SRFBP1: variants seen among roughly 807,000 people sequenced by gnomAD.
The protein encoded by SRFBP1 is serum response factor binding protein 1, also known as serum response factor-binding protein 1.
In SRFBP1, 47 loss-of-function variants were observed where a neutral mutation model predicts 45.5. That is an observed-to-expected ratio of 1.03 (90% CI 0.82 to 1.32). The LOEUF (loss-of-function observed/expected upper bound fraction) is 1.32. SRFBP1 is among the 40% of genes most tolerant of loss of function. The pLI is 0.00. For missense variants in SRFBP1, 621 were observed against 484.6 expected (o/e 1.28, Z -2.64); for synonymous variants, 203 against 166.3 (o/e 1.22, Z -1.70).
chr5:122,070,125 G>A lies in SRFBP1; in HGVS notation n.312-5190G>A. On this transcript the variant is annotated intron_variant and non_coding_transcript_variant, in intron 2 of 2. Coordinates refer to the SRFBP1 transcript ENST00000504881. ...AATGTCACAGCGCACAACATTGTTG[G>A]TATAGTCAGATTCAGGAACCAGGTA... The A allele has an allele frequency of 6.2e-7, 1 of 1,613,208 alleles. No homozygotes were observed. The highest frequency in any genetic ancestry group is 8.5e-7 in the Non-Finnish European group (1 of 1,179,338).
At chr5:122,070,143 A>C in intron 2 of SRFBP1, 1 of 1,612,624 alleles carries the variant, frequency 6.2e-7, no homozygotes, top group Non-Finnish European at 8.5e-7. Flanking sequence ...AGATTCAGGA[A>C]CCAGGTAGCT....
intron 3 of SRFBP1, among the ~76,000 whole-genome samples, chr5:121,980,292 G>A (rs1030741483): frequency 6.6e-6 from 1 of 152,102 alleles, no homozygotes; most frequent in African/African-American, 2.4e-5. Flanking sequence ...TCACATCCAT[G>A]TTTGTACCTT....
intron 5 of SRFBP1, 52 bp from the exon 6 acceptor site, chr5:122,020,036 A>T: frequency 1.6e-6 from 2 of 1,245,748 alleles, no homozygotes; most frequent in Non-Finnish European, 2.2e-6. Context: ...TAAAACAGTC[A>T]TGTTTTATAT....
intron 3 of SRFBP1, among the ~76,000 whole-genome samples, chr5:121,990,071 T>C (rs994109295): frequency 1.4e-4 from 22 of 152,176 alleles, no homozygotes; most frequent in African/African-American, 5.1e-4. Flanking sequence ...ATACCACTAC[T>C]GGGTATATAC....
intron 2 of SRFBP1, among the ~76,000 whole-genome samples, chr5:122,042,122 T>C (rs1256843876): frequency 1.3e-5 from 2 of 151,754 alleles, no homozygotes; most frequent in African/African-American, 4.8e-5. Context: ...CTAGTGCATT[T>C]TGACAACTCT....
intron 2 of SRFBP1, among the ~76,000 whole-genome samples, chr5:122,044,750 G>T (rs1717577168): frequency 1.3e-5 from 2 of 151,912 alleles, no homozygotes; most frequent in African/African-American, 4.8e-5. Flanking sequence ...ATAGATTCTG[G>T]ATATTAGATC....
intron 1 of SRFBP1, among the ~76,000 whole-genome samples, chr5:121,964,645 A>G (rs1459042891): frequency 6.6e-6 from 1 of 152,216 alleles, no homozygotes; most frequent in East Asian, 1.9e-4. Context: ...ACAGTGCCAC[A>G]ATAAACATAC....
chr5:122,057,571 C>T (rs1754105035), intron 2 of SRFBP1, among the ~76,000 whole-genome samples: 1 of 151,750 alleles, frequency 6.6e-6, no homozygotes, highest in African/African-American at 2.4e-5. Flanking sequence ...AAGTGATCCT[C>T]CCTCCTCAGT....
At chr5:122,056,807 A>G (rs1002963328) in intron 2 of SRFBP1, among the ~76,000 whole-genome samples, 3 of 152,200 alleles carry the variant, frequency 2.0e-5, no homozygotes, top group African/African-American at 7.2e-5. Flanking sequence ...TAGAAAGGTA[A>G]AGTCCCTCTG....
At chr5:121,990,662 T>C (rs1376866358) in intron 3 of SRFBP1, among the ~76,000 whole-genome samples, 5 of 152,210 alleles carry the variant, frequency 3.3e-5, no homozygotes, top group African/African-American at 1.2e-4. Context: ...TTGAGTCTCA[T>C]AGTCAAAGGT....
rs1020489697 is a variant in SRFBP1, at chr5:122,075,438, G to C, written n.435G>C. 2 of 1,613,616 alleles carry C rather than the reference G, an allele frequency of 1.2e-6. No individual in the cohort carries two copies. The highest frequency in any genetic ancestry group is 1.3e-5 in the African/African-American group (1 of 74,904). On this transcript the variant is annotated non_coding_transcript_exon_variant, in exon 3 of 3. Coordinates refer to the SRFBP1 transcript ENST00000504881. ...CTGTGCCATTCCCAGGAATATCTTG[G>C]TCGGCTGGGTAAGAAATCTGATGTC...
At chr5:122,038,650 A>G (rs990139302) in intron 2 of SRFBP1, among the ~76,000 whole-genome samples, 8 of 152,240 alleles carry the variant, frequency 5.3e-5, no homozygotes, top group African/African-American at 1.9e-4. Context: ...TCCAAACATG[A>G]TAGCCTTTAA....
chr5:122,058,151 G>T lies in SRFBP1; in HGVS notation n.312-17164G>T, dbSNP rs1035505913. On this transcript the variant is annotated intron_variant and non_coding_transcript_variant, in intron 2 of 2. Transcript: ENST00000504881. ...TCTCACTTTCTTGATAGCATTATAG[G>T]GTAATATTATTTAAATCATGATTTA... is the stretch of plus-strand genomic sequence containing the variant. 2.0e-5 allele frequency among the ~76,000 whole-genome samples: 3 copies of T among 151,916 alleles called. No individual in the cohort carries two copies. The East Asian group carries it at 5.8e-4, about 29-fold the overall frequency.
At chr5:122,076,752 CAGG>C (rs1003423755), downstream of SRFBP1, 1 of 660,494 alleles carries the variant, frequency 1.5e-6, no homozygotes, top group African/African-American at 1.8e-5. Flanking sequence ...TCAGCATGCC[CAGG>C]AGGTCACGTC....
intron 1 of SRFBP1, among the ~76,000 whole-genome samples, chr5:121,964,440 A>T (rs1580493397): frequency 6.6e-6 from 1 of 152,034 alleles, no homozygotes; most frequent in East Asian, 1.9e-4. Flanking sequence ...GAGAACATGC[A>T]GTGTTTGGTT....
chr5:121,997,938 G>C (rs923638194), intron 4 of SRFBP1, among the ~76,000 whole-genome samples: 10 of 150,518 alleles, frequency 6.6e-5, no homozygotes, highest in Non-Finnish European at 1.3e-4. Context: ...CTGGCCATCA[G>C]AGAAATGCAA....
intron 4 of SRFBP1, among the ~76,000 whole-genome samples, chr5:121,998,319 G>A (rs1418213452): frequency 2.7e-5 from 4 of 150,062 alleles, no homozygotes; most frequent in African/African-American, 9.8e-5. Context: ...TATACACCAT[G>A]GAATACTATG....
At chr5:122,038,098 A>C (rs764961964) in intron 2 of SRFBP1, among the ~76,000 whole-genome samples, 4 of 152,214 alleles carry the variant, frequency 2.6e-5, no homozygotes, top group Admixed American at 6.5e-5. Context: ...AGGAGTAATT[A>C]TCACAATTAT....
chr5:121,977,126 G>C (rs768415387), intron 3 of SRFBP1, among the ~76,000 whole-genome samples: 1 of 152,044 alleles, frequency 6.6e-6, no homozygotes, highest in Non-Finnish European at 1.5e-5. Flanking sequence ...CAGTGATAAA[G>C]TTTGTAGGTT....
Sources: allele counts gnomAD v4.1 joint callset (sites outside exome capture counted in the v4.1 genomes callset), GRCh38; gene constraint gnomAD v4.1.1; transcripts MANE v1.5; gene names NCBI Gene and HGNC (gene_info 2026-07-23, HGNC 2026-07-21).